Variants in UGT3A1 observed in about 807,000 individuals in gnomAD.
The protein encoded by UGT3A1 is UDP glycosyltransferase family 3 member A1.
A neutral mutation model predicts 37.6 loss-of-function variants in UGT3A1; 40 were observed. The observed-to-expected ratio is 1.06, with a 90% CI of 0.83 to 1.38. The LOEUF is 1.38. Among genes scored for constraint, UGT3A1 ranks in the 40% most tolerant of loss-of-function variants. The pLI is 0.00. For synonymous variants in UGT3A1, 256 were observed against 232.3 expected, an observed-to-expected ratio of 1.10 and a Z score of -0.93; for missense variants, 642 against 634.2, an observed-to-expected ratio of 1.01 and a Z score of -0.13.
chr5:35,985,079 T>TAAAAAAAAAAAAAAAAAAAAAAAAAAA (rs59401195), intron 2 of UGT3A1, among the ~76,000 whole-genome samples: 1 of 116,014 alleles, frequency 8.6e-6, no homozygotes, highest in Non-Finnish European at 1.8e-5. Context: ...ACATAAAATA[T>TAAAAAAAAAAAAAAAAAAAAAAAAAAA]AAAAAAAAAA....
At chr5:35,955,959 C>A (rs1739341185) in intron 5 of UGT3A1, 95 bp from the exon 6 acceptor site, 4 of 1,244,324 alleles carry the variant, frequency 3.2e-6, no homozygotes, top group Middle Eastern at 2.0e-4. Flanking sequence ...CCAATGAAAT[C>A]AAGGTCTGTT....
chr5:35,986,874 T>C (rs186083679), intron 2 of UGT3A1, among the ~76,000 whole-genome samples: 23 of 152,266 alleles, frequency 1.5e-4, no homozygotes, highest in African/African-American at 5.1e-4. Context: ...AGGTCATGCA[T>C]ATCCCAATTA....
At position 35,988,401 on chromosome 5, in the gene UGT3A1, T is replaced by G. The variant is rs1343794587; in HGVS notation, c.196+49A>C. 2.2e-6 allele frequency: 3 copies of G among 1,370,812 alleles called. No individual in the cohort carries two copies. In the African/African-American group the frequency reaches 4.5e-5, roughly 20 times the overall value. The allele number at this position is 1,370,812 out of a possible 1,614,324, so 84.9% of individuals were successfully genotyped here. A position where few individuals can be genotyped will look rare whatever the true frequency, so the allele number is the denominator to read the frequency against. On this transcript the variant is annotated intron_variant, in intron 2 of 6. Transcript: ENST00000274278. ...AGCTGTATAAAAAATATATTATCAC[T>G]TTTTGCTTAGAGTAAAAGAATATAA...
chr5:35,955,619 G>A, intron 6 of UGT3A1, 26 bp downstream of exon 6: 2 of 1,612,398 alleles, frequency 1.2e-6, no homozygotes, highest in Admixed American at 1.7e-5. Flanking sequence ...CAGCCTTAGT[G>A]ACCACATGCT....
chr5:35,995,456 A>G (rs1741073397), upstream of UGT3A1, among the ~76,000 whole-genome samples: 1 of 152,216 alleles, frequency 6.6e-6, no homozygotes, highest in Admixed American at 6.5e-5. Context: ...GGCATAGTTA[A>G]AGAATTTCCT....
intron 6 of UGT3A1, 102 bp downstream of exon 6, chr5:35,955,543 A>G: frequency 7.5e-7 from 1 of 1,330,488 alleles, no homozygotes; most frequent in Admixed American, 1.9e-5. Context: ...ATTCCATGTC[A>G]CAGAAGTTTC....
upstream of UGT3A1, chr5:35,991,440 G>A: frequency 2.1e-6 from 3 of 1,430,306 alleles, no homozygotes; most frequent in Non-Finnish European, 2.7e-6. Flanking sequence ...TGCTCCATGG[G>A]ATAATCTGCC....
intron 2 of UGT3A1, among the ~76,000 whole-genome samples, chr5:35,979,653 C>A (rs1011724740): frequency 6.6e-6 from 1 of 152,216 alleles, no homozygotes; most frequent in African/African-American, 2.4e-5. Flanking sequence ...ACTGTTCCAA[C>A]CTCTGCCTGT....
Position 35,965,896 on chromosome 5 carries a change from T to C in UGT3A1, c.333A>G (p.Val111=). The C allele has an allele frequency of 1.9e-6, 3 of 1,564,246 alleles. No homozygotes were observed. The highest frequency in any genetic ancestry group is 1.2e-5 in the South Asian group (1 of 81,614). The stretch of plus-strand genomic sequence containing the variant: ...GAGTCCCAAATATTTCCATTAGCTT[T>C]ACAAGGGCTTCAGATTCTTTTCTGT... The part of the protein sequence containing the change: ...LDGRKESEAL[V]KLMEIFGTQC... The change falls in exon 4 of 7, where the codon GTA becomes GTG. Residue 111 remains valine, a synonymous_variant. Transcript: ENST00000274278.
chr5:35,981,164 TAAAGAAAG>T (rs940430153), intron 2 of UGT3A1, among the ~76,000 whole-genome samples: 1 of 152,064 alleles, frequency 6.6e-6, no homozygotes, highest in Non-Finnish European at 1.5e-5. Context: ...AAAACTGTCT[TAAAGAAAG>T]AAAGAAAGAA....
chr5:35,963,019 A>C (rs1455859979), intron 4 of UGT3A1: 1 of 688,726 alleles, frequency 1.5e-6, no homozygotes, highest in Non-Finnish European at 2.6e-6. Context: ...TCAGGGTGTG[A>C]GGGAGAGAGA....
At chr5:35,976,446 A>C (rs1561466344) in intron 2 of UGT3A1, among the ~76,000 whole-genome samples, 1 of 152,362 alleles carries the variant, frequency 6.6e-6, no homozygotes, top group Admixed American at 6.5e-5. Context: ...TCTTCTGGTA[A>C]GAATTTTAAA....
upstream of UGT3A1, chr5:35,991,484 G>C: frequency 1.5e-6 from 2 of 1,334,364 alleles, no homozygotes; most frequent in Non-Finnish European, 1.9e-6. Context: ...GTCAGTAGGA[G>C]GGGGTTGGTA....
intron 4 of UGT3A1, among the ~76,000 whole-genome samples, chr5:35,964,346 C>G (rs1739710479): frequency 1.3e-5 from 2 of 152,088 alleles, no homozygotes; most frequent in Non-Finnish European, 2.9e-5. Flanking sequence ...CCAGCGTCAC[C>G]CAGAGAACCC....
At chr5:35,970,996 C>A (rs1740012402) in intron 2 of UGT3A1, among the ~76,000 whole-genome samples, 1 of 150,960 alleles carries the variant, frequency 6.6e-6, no homozygotes, top group African/African-American at 2.5e-5. Context: ...ATAGATTTGA[C>A]AAATATGTTC....
At chr5:35,977,151 G>C (rs1232558034) in intron 2 of UGT3A1, among the ~76,000 whole-genome samples, 1 of 150,592 alleles carries the variant, frequency 6.6e-6, no homozygotes, top group African/African-American at 2.4e-5. Context: ...AGGAAGGAAG[G>C]AAGAGAAAGT....
intron 2 of UGT3A1, among the ~76,000 whole-genome samples, chr5:35,986,443 T>C (rs1740731941): frequency 6.6e-6 from 1 of 152,130 alleles, no homozygotes; most frequent in Admixed American, 6.5e-5. Flanking sequence ...CAGTGGACAA[T>C]GCATAAAGAA....
chr5:35,989,352 G>A (rs1740848500), intron 1 of UGT3A1, among the ~76,000 whole-genome samples: 1 of 152,196 alleles, frequency 6.6e-6, no homozygotes, highest in African/African-American at 2.4e-5. Context: ...CTTAGTGCAT[G>A]TTCCAACACA....
In UGT3A1 at chr5:35,955,746, C is replaced by T. The variant is rs761985145; in HGVS notation, c.1194G>A (p.Met398Ile). 3 of 1,614,104 alleles carry T rather than the reference C, an allele frequency of 1.9e-6. No homozygotes were observed. Among genetic ancestry groups the T allele is most frequent in the African/African-American group, 2.7e-5 (2 of 74,936 alleles). Residue 398 changes from methionine to isoleucine, a missense_variant, in exon 6 of 7, where the codon ATG (methionine) becomes ATA (isoleucine). Transcript: ENST00000274278. ...CATAATTTTTGGCTACTACTCGGAC[C>T]ATGTTTCCATGCTGGTCTCCATTGA... ...LPVNGDQHGN[M>I]VRVVAKNYGV...
Sources: allele counts gnomAD v4.1 joint callset (sites outside exome capture counted in the v4.1 genomes callset), GRCh38; gene constraint gnomAD v4.1.1; transcripts MANE v1.5; gene names NCBI Gene and HGNC (gene_info 2026-07-23, HGNC 2026-07-21).